The following CETN3 variants were observed in gnomAD, a reference collection of about 807,000 sequenced individuals.
The protein encoded by CETN3 is centrin-3.
In CETN3, 17 loss-of-function variants were observed where a neutral mutation model predicts 20.1. The observed-to-expected ratio is 0.85, with a 90% CI of 0.58 to 1.27. CETN3 has a LOEUF of 1.27. CETN3 is among the 50% of genes most tolerant of loss of function. The probability of loss-of-function intolerance (pLI) is 0.00; values close to 1 mark genes in which losing one functional copy is unlikely to be tolerated. For missense variants in CETN3, 169 were observed against 191.2 expected (o/e 0.88, Z 0.69); for synonymous variants, 52 against 59.7 (o/e 0.87, Z 0.59).
intron 3 of CETN3, among the ~76,000 whole-genome samples, chr5:90,404,290 G>A (rs1029192856): frequency 3.3e-5 from 5 of 152,136 alleles, no homozygotes; most frequent in Non-Finnish European, 7.4e-5. Flanking sequence ...TATGAACCAA[G>A]GGAATCTGGT....
intron 1 of CETN3, among the ~76,000 whole-genome samples, chr5:90,408,786 G>C (rs1266217454): frequency 1.5e-5 from 2 of 131,876 alleles, no homozygotes; most frequent in Non-Finnish European, 3.1e-5. Flanking sequence ...AGTCGTTTTG[G>C]TCTCTGAAAG....
In CETN3 at chr5:90,392,486, G is replaced by A. The variant is rs1162230104; in HGVS notation, c.*1578C>T. ...CCCCACTCAAATATCATGTTGAATT[G>A]TAATCCCCAGTACTGGAGGTGAGGT... On this transcript the variant is annotated 3_prime_UTR_variant, in exon 5 of 5. Coordinates refer to ENST00000283122, the MANE Select transcript of CETN3 (RefSeq NM_004365.4). The A allele has an allele frequency of 6.6e-6, 1 of 152,146 alleles. No individual in the cohort carries two copies. The highest frequency in any genetic ancestry group is 1.9e-4 in the East Asian group (1 of 5,200). 9.4% of individuals were successfully genotyped at this position (152,146 alleles called of 1,614,324 possible).
rs188855622 is a variant in CETN3, at chr5:90,405,846, A to T, written c.154-47T>A. 244 of 1,126,992 alleles carry T rather than the reference A, an allele frequency of 2.2e-4. 2 individuals carry two copies. The East Asian group carries it at 5.4e-3, about 25-fold the overall frequency. The allele number at this position is 1,126,992 out of a possible 1,614,324, so 69.8% of individuals were successfully genotyped here. A position where few individuals can be genotyped will look rare whatever the true frequency, so the allele number is the denominator to read the frequency against. ...GCAAATTATAAAGCACTCTTTACAA[A>T]AGAATTTCTAATTATTAAGTTTTTA... On this transcript the variant is annotated intron_variant, in intron 2 of 4. Coordinates refer to ENST00000283122, the MANE Select transcript of CETN3 (RefSeq NM_004365.4).
Position 90,409,706 on chromosome 5 carries a change from C to A in CETN3, c.-45G>T, listed in dbSNP as rs754928800. On this transcript the variant is annotated 5_prime_UTR_variant, in exon 1 of 5. Coordinates refer to ENST00000283122, the MANE Select transcript of CETN3 (RefSeq NM_004365.4). ...GTTCCTCTCAAGAACGATTTTAACCCCCTACCCAAGGCAGCAAGACGCCCA... is the reference window on the plus strand; with the variant it reads ...GTTCCTCTCAAGAACGATTTTAACCACCTACCCAAGGCAGCAAGACGCCCA... 2 of 1,613,848 alleles carry A rather than the reference C, an allele frequency of 1.2e-6. No homozygotes were observed. Among genetic ancestry groups the A allele is most frequent in the Admixed American group, 3.3e-5 (2 of 60,020 alleles).
intron 3 of CETN3, among the ~76,000 whole-genome samples, chr5:90,401,880 C>T (rs537748742): frequency 3.5e-4 from 53 of 152,248 alleles, no homozygotes; most frequent in Middle Eastern, 6.8e-3. Context: ...AACAAGGTCT[C>T]GCTCTGTTGC....
chr5:90,407,916 T>C (rs1320982853), intron 1 of CETN3, 82 bp from the exon 2 acceptor site: 2 of 1,217,940 alleles, frequency 1.6e-6, no homozygotes, highest in African/African-American at 1.5e-5. Flanking sequence ...CCTTCTAAAT[T>C]TCAAAAAAGA....
intron 4 of CETN3, among the ~76,000 whole-genome samples, chr5:90,397,619 T>TTAGCATG (rs1749165752): frequency 6.6e-6 from 1 of 152,190 alleles, no homozygotes; most frequent in Non-Finnish European, 1.5e-5. Flanking sequence ...CTGCTTCCTA[T>TTAGCATG]AATAGCATGT....
intron 4 of CETN3, among the ~76,000 whole-genome samples, chr5:90,394,621 CTA>C (rs1749097586): frequency 6.6e-6 from 1 of 151,274 alleles, no homozygotes; most frequent in African/African-American, 2.4e-5. Flanking sequence ...ACTTAAAAGC[CTA>C]TGTTAAAGAA....
chr5:90,409,741 A>T lies in CETN3; in HGVS notation c.-80T>A. 2 of 1,539,990 alleles carry T rather than the reference A, an allele frequency of 1.3e-6. No homozygotes were observed. Among genetic ancestry groups the T allele is most frequent in the Admixed American group, 1.7e-5 (1 of 59,906 alleles). ...GGCAGCAAGACGCCCACAGCCGTTC[A>T]ACAGACACGAACGACCTCAGCGGCC... On this transcript the variant is annotated 5_prime_UTR_variant, in exon 1 of 5. Transcript: ENST00000283122.
At chr5:90,403,875 G>GAAAAAA (rs60385437) in intron 3 of CETN3, among the ~76,000 whole-genome samples, 52 of 86,660 alleles carry the variant, frequency 6.0e-4, no homozygotes, top group Non-Finnish European at 7.1e-4. Flanking sequence ...TGTCTCAAAA[G>GAAAAAA]AAAAAAAAAA....
chr5:90,399,472 C>T lies in CETN3; in HGVS notation c.346G>A (p.Gly116Ser), dbSNP rs767496781. 3 of 1,613,854 alleles carry T rather than the reference C, an allele frequency of 1.9e-6. No homozygotes were observed. Among genetic ancestry groups the T allele is most frequent in the South Asian group, 1.1e-5 (1 of 91,070 alleles). ...AFKLFDDDDS[G>S]KISLRNLRRV... ...CGCAAATTCCTCAAGCTTATTTTAC[C>T]TGAATCATCATCATCAAATAGTTTA... The change falls in exon 4 of 5, where the codon GGT (glycine) becomes AGT (serine). Residue 116 changes from glycine (G) to serine (S), a missense_variant. Physicochemically the swap from Gly to Ser is moderately conservative, Grantham distance 56. Coordinates refer to ENST00000283122, the MANE Select transcript of CETN3 (RefSeq NM_004365.4).
At chr5:90,409,349 A>AGCCTCGCGATATTTCATTCCC (rs1749557574) in intron 1 of CETN3, among the ~76,000 whole-genome samples, 1 of 152,158 alleles carries the variant, frequency 6.6e-6, no homozygotes, top group Admixed American at 6.5e-5. Flanking sequence ...CAAGAGTAGA[A>AGCCTCGCGATATTTCATTCCC]GCCTCGCGAT....
chr5:90,401,378 T>C (rs1314523127), intron 3 of CETN3, among the ~76,000 whole-genome samples: 4 of 152,158 alleles, frequency 2.6e-5, no homozygotes, highest in Admixed American at 6.5e-5. Context: ...AATGAAAATA[T>C]TAGTAAACTG....
intron 3 of CETN3, among the ~76,000 whole-genome samples, chr5:90,402,933 A>C (rs1749336478): frequency 6.6e-6 from 1 of 152,240 alleles, no homozygotes; most frequent in Non-Finnish European, 1.5e-5. Flanking sequence ...ATTCAGTGTT[A>C]AATAAGCAAA....
chr5:90,408,728 G>A (rs1749535076), intron 1 of CETN3, among the ~76,000 whole-genome samples: 1 of 146,980 alleles, frequency 6.8e-6, no homozygotes, highest in Non-Finnish European at 1.5e-5. Context: ...ACATTAACAT[G>A]TCAAACCAGT....
At chr5:90,397,024 G>A (rs1158634047) in intron 4 of CETN3, among the ~76,000 whole-genome samples, 3 of 152,032 alleles carry the variant, frequency 2.0e-5, no homozygotes, top group Non-Finnish European at 4.4e-5. Context: ...TATACAAGAG[G>A]ATATGTGAAA....
At chr5:90,396,701 G>T in intron 4 of CETN3, 1 of 573,926 alleles carries the variant, frequency 1.7e-6, no homozygotes, top group Non-Finnish European at 2.7e-6. Flanking sequence ...ACTTTTTCTT[G>T]ATCTGTAAAA....
intron 3 of CETN3, among the ~76,000 whole-genome samples, chr5:90,400,156 T>C (rs189627052): frequency 1.3e-5 from 2 of 152,240 alleles, no homozygotes; most frequent in Admixed American, 6.5e-5. Flanking sequence ...ATTTACAAAG[T>C]AGTAAATAGG....
chr5:90,400,984 A>G (rs922401344), intron 3 of CETN3, among the ~76,000 whole-genome samples: 2 of 152,210 alleles, frequency 1.3e-5, no homozygotes, highest in African/African-American at 2.4e-5. Context: ...AAAGCAGGAC[A>G]AGGAAAAAAA....
Sources: allele counts gnomAD v4.1 joint callset (sites outside exome capture counted in the v4.1 genomes callset), GRCh38; gene constraint gnomAD v4.1.1; transcripts MANE v1.5; gene names NCBI Gene and HGNC (gene_info 2026-07-23, HGNC 2026-07-21).